Variants in C12orf42 observed in about 807,000 individuals in gnomAD.
C12orf42 encodes the protein uncharacterized protein C12orf42.
Under a neutral mutation model 21.6 loss-of-function variants are expected in C12orf42, and 25 were observed. The ratio of observed to expected loss-of-function variants is 1.16; its 90% CI spans 0.84 to 1.62. C12orf42 has a LOEUF of 1.62. Among genes scored for constraint, C12orf42 ranks in the 40% most tolerant of loss-of-function variants. C12orf42 has a pLI of 0.00. For missense variants in C12orf42, 483 were observed against 459.3 expected, an observed-to-expected ratio of 1.05 and a Z score of -0.47; for synonymous variants, 174 against 175.0, an observed-to-expected ratio of 0.99 and a Z score of 0.05.
intron 4 of C12orf42, among the ~76,000 whole-genome samples, chr12:103,314,271 C>T (rs982085704): frequency 6.6e-6 from 1 of 151,962 alleles, no homozygotes; most frequent in African/African-American, 2.4e-5. Context: ...TGTTGCACAA[C>T]ATGCAATAGA....
At chr12:103,317,047 G>T (rs905931774) in intron 4 of C12orf42, among the ~76,000 whole-genome samples, 4 of 152,128 alleles carry the variant, frequency 2.6e-5, no homozygotes, top group Non-Finnish European at 4.4e-5. Context: ...ATCAAAGGTG[G>T]CAAACAAGTT....
downstream of C12orf42, among the ~76,000 whole-genome samples, chr12:103,265,916 C>A (rs1182525209): frequency 6.7e-6 from 1 of 149,550 alleles, no homozygotes; most frequent in Non-Finnish European, 1.5e-5. Flanking sequence ...TGATCAAGTT[C>A]ACCTTTGATG....
chr12:103,474,021 C>A (rs141886743), intron 2 of C12orf42, among the ~76,000 whole-genome samples: 1 of 152,068 alleles, frequency 6.6e-6, no homozygotes, highest in Non-Finnish European at 1.5e-5. Flanking sequence ...TGAGTTTTGA[C>A]GGGGTTTTGG....
At chr12:103,344,753 G>A (rs2042464529) in intron 4 of C12orf42, among the ~76,000 whole-genome samples, 1 of 152,192 alleles carries the variant, frequency 6.6e-6, no homozygotes, top group African/African-American at 2.4e-5. Flanking sequence ...TACAAACAGA[G>A]CAGAGACAGC....
the C12orf42 span, among the ~76,000 whole-genome samples, chr12:103,506,982 A>T: frequency 7.4e-4 from 1 of 1,356 alleles, no homozygotes; most frequent in African/African-American, 2.4e-3. Context: ...AAATATATAT[A>T]TTATATAAAT....
intron 10 of C12orf42, among the ~76,000 whole-genome samples, chr12:103,243,077 G>A (rs909812679): frequency 6.6e-6 from 1 of 152,098 alleles, no homozygotes; most frequent in African/African-American, 2.4e-5. Context: ...AGGCTAGAGT[G>A]CAGTGGCACA....
the C12orf42 span, among the ~76,000 whole-genome samples, chr12:103,530,364 G>A: frequency 6.6e-6 from 1 of 152,208 alleles, no homozygotes; most frequent in African/African-American, 2.4e-5. Context: ...AAGGCGTGCT[G>A]GAGACTTTGG....
At chr12:103,490,236 A>C (rs1460716896) in intron 1 of C12orf42, among the ~76,000 whole-genome samples, 2 of 152,232 alleles carry the variant, frequency 1.3e-5, no homozygotes, top group Admixed American at 6.5e-5. Flanking sequence ...CATTTAAAAG[A>C]AATCCTTTAA....
chr12:103,369,793 C>A (rs1384892168), intron 3 of C12orf42, among the ~76,000 whole-genome samples: 1 of 151,990 alleles, frequency 6.6e-6, no homozygotes, highest in Non-Finnish European at 1.5e-5. Context: ...ATAACCTAGG[C>A]AATAGCATTC....
the C12orf42 span, among the ~76,000 whole-genome samples, chr12:103,130,208 T>C: frequency 6.6e-6 from 1 of 151,790 alleles, no homozygotes; most frequent in Non-Finnish European, 1.5e-5. Flanking sequence ...TAACTACTAC[T>C]ACTGTCTTCA....
At chr12:103,507,640 C>T in the C12orf42 span, among the ~76,000 whole-genome samples, 2 of 150,610 alleles carry the variant, frequency 1.3e-5, no homozygotes, top group African/African-American at 4.9e-5. Context: ...AATTGCACTA[C>T]TGCACCTAGC....
chr12:103,096,084 G>A, the C12orf42 span, among the ~76,000 whole-genome samples: 1 of 152,150 alleles, frequency 6.6e-6, no homozygotes, highest in South Asian at 2.1e-4. Context: ...GCTCAAAGTA[G>A]TTCATGGTCT....
chr12:103,115,286 A>G, the C12orf42 span, among the ~76,000 whole-genome samples: 1 of 152,194 alleles, frequency 6.6e-6, no homozygotes, highest in Admixed American at 6.5e-5. Context: ...AATAACCTGG[A>G]CATCTTTTTG....
At chr12:103,226,927 C>A in the C12orf42 span, among the ~76,000 whole-genome samples, 1 of 152,126 alleles carries the variant, frequency 6.6e-6, no homozygotes, top group African/African-American at 2.4e-5. Context: ...CACCTCAGAC[C>A]ATTTGCCTAT....
At chr12:103,074,434 C>A in the C12orf42 span, among the ~76,000 whole-genome samples, 1 of 151,974 alleles carries the variant, frequency 6.6e-6, no homozygotes, top group Admixed American at 6.6e-5. Flanking sequence ...CTGGGGAATA[C>A]CTCATCAAGG....
At chr12:103,411,732 T>TTG (rs2048863284) in intron 2 of C12orf42, among the ~76,000 whole-genome samples, 2 of 152,230 alleles carry the variant, frequency 1.3e-5, no homozygotes, top group African/African-American at 4.8e-5. Context: ...GATCTTGGAC[T>TTG]TCCCATCCTC....
the C12orf42 span, among the ~76,000 whole-genome samples, chr12:103,224,736 C>G: frequency 6.6e-6 from 1 of 150,992 alleles, no homozygotes; most frequent in Non-Finnish European, 1.5e-5. Flanking sequence ...TTTGAGGGCC[C>G]CTAAAAGTAT....
the C12orf42 span, among the ~76,000 whole-genome samples, chr12:103,103,847 C>A: frequency 6.7e-6 from 1 of 150,108 alleles, no homozygotes; most frequent in Non-Finnish European, 1.5e-5. Flanking sequence ...TGTCGCCTGG[C>A]TGGAGTGCAG....
chr12:103,163,768 T>C, the C12orf42 span, among the ~76,000 whole-genome samples: 2 of 152,092 alleles, frequency 1.3e-5, no homozygotes, highest in Admixed American at 6.6e-5. Flanking sequence ...TGATATGGGG[T>C]GAGTCAGTTT....
Sources: gnomAD v4.1 joint callset for allele counts (sites outside exome capture counted in the v4.1 genomes callset) on GRCh38, gnomAD v4.1.1 for gene constraint, MANE v1.5 for transcripts, NCBI Gene and HGNC (gene_info 2026-07-23, HGNC 2026-07-21) for gene names.